SHTN1: variants seen among roughly 807,000 people sequenced by gnomAD.
SHTN1 encodes shootin 1.
SHTN1 carries 42 observed loss-of-function variants against 83.1 expected under a neutral mutation model. That is an observed-to-expected ratio of 0.51 (90% CI 0.39 to 0.65). The LOEUF is 0.65. Among genes scored for constraint, SHTN1 ranks in the 30% least tolerant of loss-of-function variants. SHTN1 has a pLI of 0.00. For synonymous variants in SHTN1, 224 were observed against 247.7 expected (o/e 0.90, Z 0.90); for missense variants, 622 against 737.8 (o/e 0.84, Z 1.82).
intron 1 of SHTN1, among the ~76,000 whole-genome samples, chr10:117,089,876 C>A: frequency 6.6e-6 from 1 of 151,926 alleles, no homozygotes; most frequent in East Asian, 1.9e-4. Context: ...CACCTCATAC[C>A]CATTAGAATG....
chr10:116,887,637 C>T (rs1329470190), intron 16 of SHTN1, among the ~76,000 whole-genome samples: 3 of 152,164 alleles, frequency 2.0e-5, no homozygotes, highest in African/African-American at 4.8e-5. Context: ...GCAGGAGACA[C>T]TCTTTTACCA....
intron 1 of SHTN1, among the ~76,000 whole-genome samples, chr10:116,987,528 T>C (rs1851259885): frequency 1.3e-5 from 2 of 151,950 alleles, no homozygotes; most frequent in East Asian, 2.0e-4. Context: ...AAAAACTGTA[T>C]ATAGCTAAGT....
chr10:117,081,431 G>A (rs1266072123), intron 1 of SHTN1, among the ~76,000 whole-genome samples: 3 of 140,782 alleles, frequency 2.1e-5, no homozygotes, highest in Non-Finnish European at 4.6e-5. Context: ...GCTGGATTTG[G>A]TTTGCCAGTA....
At chr10:117,048,604 G>T in intron 1 of SHTN1, 1 of 321,120 alleles carries the variant, frequency 3.1e-6, no homozygotes, top group Non-Finnish European at 4.5e-6. Context: ...ACTCTGAAAT[G>T]TGTTCAGACT....
intron 13 of SHTN1, among the ~76,000 whole-genome samples, chr10:116,913,630 T>G (rs189875077): frequency 2.0e-5 from 3 of 152,234 alleles, no homozygotes; most frequent in Non-Finnish European, 2.9e-5. Flanking sequence ...TGGCATTGTA[T>G]TTTTCTCTAG....
chr10:116,973,948 C>G, intron 2 of SHTN1: 1 of 1,250,362 alleles, frequency 8.0e-7, no homozygotes, highest in Non-Finnish European at 1.0e-6. Context: ...GTAAGTCTGG[C>G]CAGAACTGTG....
At chr10:116,930,694 G>A (rs1848929050) in intron 9 of SHTN1, among the ~76,000 whole-genome samples, 1 of 152,154 alleles carries the variant, frequency 6.6e-6, no homozygotes, top group Non-Finnish European at 1.5e-5. Context: ...ATGAATATGT[G>A]TGCACGTGTC....
intron 15 of SHTN1, among the ~76,000 whole-genome samples, chr10:116,905,244 T>C (rs916327129): frequency 2.0e-5 from 3 of 149,760 alleles, no homozygotes; most frequent in African/African-American, 7.4e-5. Flanking sequence ...AGTGTTTACA[T>C]GAGCACTTTA....
chr10:117,049,053 A>G (rs1852706830), intron 1 of SHTN1, among the ~76,000 whole-genome samples: 1 of 152,198 alleles, frequency 6.6e-6, no homozygotes, highest in Non-Finnish European at 1.5e-5. Flanking sequence ...AAAAGTCCTA[A>G]CTAACAGAAC....
chr10:117,069,111 A>C (rs920366615), intron 1 of SHTN1, among the ~76,000 whole-genome samples: 26 of 152,188 alleles, frequency 1.7e-4, no homozygotes, highest in Admixed American at 9.8e-4. Context: ...ACTCTGCTGC[A>C]AAAGTAGGAG....
chr10:116,972,486 T>C (rs1364606512), intron 2 of SHTN1, among the ~76,000 whole-genome samples: 1 of 152,206 alleles, frequency 6.6e-6, no homozygotes, highest in African/African-American at 2.4e-5. Context: ...TTCATCTTTT[T>C]AGGTGAACCC....
chr10:117,004,219 C>A (rs2133546265), intron 1 of SHTN1, among the ~76,000 whole-genome samples: 1 of 152,258 alleles, frequency 6.6e-6, no homozygotes, highest in Admixed American at 6.5e-5. Flanking sequence ...CATTCGCAGA[C>A]CACCCTTTGG....
chr10:117,065,838 AAGGAAGGAAGGAAG>A (rs1564947436), intron 1 of SHTN1, among the ~76,000 whole-genome samples: 7 of 58,916 alleles, frequency 1.2e-4, no homozygotes, highest in Admixed American at 2.1e-4. Context: ...GGAAGGAAGG[AAGGAAGGAAGGAAG>A]GAAAGGAGGG....
intron 2 of SHTN1, among the ~76,000 whole-genome samples, chr10:116,977,385 G>A (rs778573702): frequency 5.9e-5 from 9 of 152,046 alleles, no homozygotes; most frequent in Admixed American, 4.6e-4. Context: ...CGTGGGTCAG[G>A]AGCAGCTACG....
At chr10:117,067,228 T>C (rs891139633) in intron 1 of SHTN1, among the ~76,000 whole-genome samples, 1 of 152,166 alleles carries the variant, frequency 6.6e-6, no homozygotes, top group African/African-American at 2.4e-5. Context: ...TAAGTTAAAA[T>C]TGATCCTGAA....
At chr10:117,019,272 C>T (rs2133562842) in intron 2 of SHTN1, among the ~76,000 whole-genome samples, 1 of 152,106 alleles carries the variant, frequency 6.6e-6, no homozygotes, top group Middle Eastern at 3.4e-3. Context: ...CAGCCTCAAC[C>T]TCCTGGGCTC....
At chr10:116,968,372 G>A (rs1850475888) in intron 3 of SHTN1, among the ~76,000 whole-genome samples, 1 of 152,146 alleles carries the variant, frequency 6.6e-6, no homozygotes, top group Admixed American at 6.5e-5. Flanking sequence ...CTTTTTCAAG[G>A]AGCCAACAAG....
intron 16 of SHTN1, 50 bp downstream of exon 16, chr10:116,901,715 T>G: frequency 6.9e-6 from 10 of 1,454,628 alleles, no homozygotes; most frequent in Non-Finnish European, 9.0e-6. Context: ...CACAAGTTAG[T>G]CATTACAGAT....
intron 9 of SHTN1, among the ~76,000 whole-genome samples, chr10:116,937,511 G>A (rs1044269453): frequency 6.6e-6 from 1 of 152,162 alleles, no homozygotes; most frequent in African/African-American, 2.4e-5. Flanking sequence ...CTGGTTTGTA[G>A]GGTTTCTGCA....
Sources: allele counts gnomAD v4.1 joint callset (sites outside exome capture counted in the v4.1 genomes callset), GRCh38; gene constraint gnomAD v4.1.1; transcripts MANE v1.5; gene names NCBI Gene and HGNC (gene_info 2026-07-23, HGNC 2026-07-21).